The following DAB1 variants were observed in gnomAD, a reference collection of about 807,000 sequenced individuals.
The protein encoded by DAB1 is disabled homolog 1.
DAB1 carries 15 observed loss-of-function variants against 64.6 expected under a neutral mutation model. The observed-to-expected ratio is 0.23, with a 90% CI of 0.16 to 0.36. The LOEUF (loss-of-function observed/expected upper bound fraction) is 0.36. Ranked by LOEUF, DAB1 falls within the 10% of genes least tolerant of loss-of-function variation. The pLI is 1.00. For missense variants in DAB1, 596 were observed against 706.7 expected (o/e 0.84, Z 1.78); for synonymous variants, 235 against 251.9 (o/e 0.93, Z 0.64).
intron 4 of DAB1, among the ~76,000 whole-genome samples, chr1:58,200,094 G>A (rs566257666): frequency 1.3e-5 from 2 of 152,114 alleles, no homozygotes; most frequent in South Asian, 2.1e-4. Context: ...AGCTGTGCCC[G>A]AATGCAGTGG....
chr1:58,255,271 G>A (rs1660903303), intron 4 of DAB1, among the ~76,000 whole-genome samples: 1 of 151,162 alleles, frequency 6.6e-6, no homozygotes, highest in Admixed American at 6.6e-5. Context: ...TTGTAAATTT[G>A]TTTGAGTTCA....
chr1:58,107,303 CAAAAAAA>C, intron 5 of DAB1, among the ~76,000 whole-genome samples: 1 of 70,880 alleles, frequency 1.4e-5, no homozygotes, highest in Non-Finnish European at 3.2e-5. Context: ...ACTAAAAATA[CAAAAAAA>C]AAAAAAAAAA....
chr1:57,047,868 C>T (rs115361540), intron 9 of DAB1, among the ~76,000 whole-genome samples: 1 of 152,262 alleles, frequency 6.6e-6, no homozygotes, highest in East Asian at 1.9e-4. Flanking sequence ...CTTCCTTCCT[C>T]CAGTAGACTA....
chr1:57,973,222 T>C (rs914096468), intron 5 of DAB1, among the ~76,000 whole-genome samples: 16 of 152,092 alleles, frequency 1.1e-4, no homozygotes, highest in Admixed American at 3.9e-4. Flanking sequence ...GCCTTGAAGA[T>C]TGAAATGATG....
intron 4 of DAB1, among the ~76,000 whole-genome samples, chr1:58,152,859 A>G (rs928160474): frequency 6.6e-6 from 1 of 152,210 alleles, no homozygotes; most frequent in African/African-American, 2.4e-5. Context: ...TGAGTTAGAT[A>G]GAAAGAGTTA....
At position 57,051,803 on chromosome 1, in the gene DAB1, A is replaced by T. The variant is rs138120703; in HGVS notation, c.723+11081T>A. On this transcript the variant is annotated intron_variant, in intron 9 of 14. Transcript: ENST00000371236. ...GAACTCAGTCTAAAGAAGGAGAGAG[A>T]TGTTCACAGCTAGCTGGGGAGTGCT... is the stretch of plus-strand genomic sequence containing the variant. Among the ~76,000 whole-genome samples the T allele has an allele frequency of 1.3e-4, 20 of 152,258 alleles. No homozygotes were observed. The East Asian group carries it at 3.9e-3, about 29-fold the overall frequency.
At chr1:58,165,501 A>G (rs1655784582) in intron 4 of DAB1, among the ~76,000 whole-genome samples, 1 of 152,210 alleles carries the variant, frequency 6.6e-6, no homozygotes. Flanking sequence ...AAGCCACTTG[A>G]TAACATCTGC....
At chr1:57,369,920 G>A (rs7525941) in intron 1 of DAB1, among the ~76,000 whole-genome samples, 4 of 152,254 alleles carry the variant, frequency 2.6e-5, no homozygotes, top group East Asian at 3.9e-4. Flanking sequence ...ACGAAGTCAC[G>A]TTGTTGGGTC....
intron 4 of DAB1, among the ~76,000 whole-genome samples, chr1:58,287,149 C>T (rs1325582793): frequency 1.3e-5 from 2 of 152,024 alleles, no homozygotes; most frequent in African/African-American, 4.8e-5. Flanking sequence ...AGGGAACACA[C>T]ACTGGGGCCT....
In DAB1 at chr1:57,976,425, T is replaced by C. The variant is rs567465288; in HGVS notation, n.388-92263A>G. ...TGTATGCAGCTTTGCTCGACTGCCATCTGCTTTTCCAGTATGCAATGACAC... is the reference window on the plus strand; with the variant it reads ...TGTATGCAGCTTTGCTCGACTGCCACCTGCTTTTCCAGTATGCAATGACAC... On this transcript the variant is annotated intron_variant and non_coding_transcript_variant, in intron 5 of 20. Transcript: ENST00000485760. Among the ~76,000 whole-genome samples, 3 of 152,354 alleles carry C rather than the reference T, an allele frequency of 2.0e-5. No individual in the cohort carries two copies. The East Asian group carries it at 5.8e-4, about 29-fold the overall frequency.
At chr1:58,113,326 G>A (rs1053040127) in intron 5 of DAB1, among the ~76,000 whole-genome samples, 1 of 152,128 alleles carries the variant, frequency 6.6e-6, no homozygotes, top group Non-Finnish European at 1.5e-5. Context: ...TGGTACCAAG[G>A]ATTCTGGTTT....
intron 1 of DAB1, among the ~76,000 whole-genome samples, chr1:58,545,750 G>A (rs143467851): frequency 1.2e-3 from 187 of 152,294 alleles, no homozygotes; most frequent in African/African-American, 4.3e-3. Flanking sequence ...AACTCTTGCT[G>A]AAAATGACTA....
At chr1:57,781,064 A>G (rs1272712090) in intron 6 of DAB1, among the ~76,000 whole-genome samples, 1 of 139,806 alleles carries the variant, frequency 7.2e-6, no homozygotes, top group African/African-American at 2.6e-5. Flanking sequence ...TGTTCTATGC[A>G]TATTTTATAT....
intron 1 of DAB1, among the ~76,000 whole-genome samples, chr1:57,847,807 T>C (rs1390300426): frequency 6.6e-6 from 1 of 152,142 alleles, no homozygotes; most frequent in Admixed American, 6.5e-5. Context: ...AAAAATAGAA[T>C]ACTATTATTA....
At chr1:58,067,749 C>T (rs1358809387) in intron 5 of DAB1, among the ~76,000 whole-genome samples, 1 of 152,182 alleles carries the variant, frequency 6.6e-6, no homozygotes, top group African/African-American at 2.4e-5. Flanking sequence ...CGTATACTAG[C>T]TGGGTTTACT....
At chr1:57,346,336 A>T (rs10889037) in intron 1 of DAB1, among the ~76,000 whole-genome samples, 5 of 152,140 alleles carry the variant, frequency 3.3e-5, no homozygotes, top group African/African-American at 7.2e-5. Flanking sequence ...TTACTTGAAG[A>T]TTCCTCAAAG....
At chr1:58,193,450 A>G (rs1469734665) in intron 4 of DAB1, among the ~76,000 whole-genome samples, 1 of 152,232 alleles carries the variant, frequency 6.6e-6, no homozygotes, top group African/African-American at 2.4e-5. Context: ...GCAATACAAA[A>G]CAGACTAAGA....
intron 2 of DAB1, among the ~76,000 whole-genome samples, chr1:57,170,915 G>T (rs1389633886): frequency 6.6e-6 from 1 of 152,150 alleles, no homozygotes; most frequent in South Asian, 2.1e-4. Flanking sequence ...GCAACCTGCA[G>T]GTGGCTTGCT....
chr1:58,507,430 C>T (rs2100419440), intron 2 of DAB1, among the ~76,000 whole-genome samples: 1 of 151,976 alleles, frequency 6.6e-6, no homozygotes, highest in South Asian at 2.1e-4. Context: ...ACCATTAAAG[C>T]ATTTCCAAAT....
Sources: gnomAD v4.1 joint callset for allele counts (sites outside exome capture counted in the v4.1 genomes callset) on GRCh38, gnomAD v4.1.1 for gene constraint, MANE v1.5 for transcripts, NCBI Gene and HGNC (gene_info 2026-07-23, HGNC 2026-07-21) for gene names.